BSG: variants seen among roughly 807,000 people sequenced by gnomAD.
BSG encodes the protein basigin (Ok blood group).
In BSG, 37 loss-of-function variants were observed where a neutral mutation model predicts 43.1. The ratio of observed to expected loss-of-function variants is 0.86; its 90% confidence interval spans 0.66 to 1.13. BSG has a LOEUF of 1.13. BSG is among the 50% of genes most tolerant of loss of function. The pLI, the probability that BSG is intolerant of heterozygous loss-of-function variation, is 0.00. For synonymous variants in BSG, 309 were observed against 238.7 expected (o/e 1.29, Z -2.72); for missense variants, 599 against 554.2 (o/e 1.08, Z -0.81).
In BSG at chr19:579,647, C is replaced by T. The variant is rs764956985; in HGVS notation, c.563C>T (p.Thr188Met). 1.9e-4 allele frequency: 303 copies of T among 1,609,282 alleles called. No homozygotes were observed. Among genetic ancestry groups the T allele is most frequent in the Non-Finnish European group, 2.4e-4 (286 of 1,178,172 alleles). The change falls in exon 3 of 9, where the codon ACG (threonine) becomes ATG (methionine). Residue 188 changes from threonine to methionine, a missense_variant. Coordinates refer to ENST00000333511, the MANE Select transcript of BSG (RefSeq NM_001728.4). The part of the protein sequence containing the change: ...LKEDALPGQK[T>M]EFKVDSDDQW... ...GAGGACGCGCTGCCCGGCCAGAAAA[C>T]GGAGTTCAAGTGAGTGCCTGACCAC...
intron 1 of BSG, chr19:575,439 G>C (rs1225615957): frequency 3.9e-5 from 6 of 152,268 alleles, no homozygotes; most frequent in African/African-American, 1.4e-4. Context: ...TCGGGGACCG[G>C]AGGGCCGGGG....
At chr19:578,514 C>T (rs552833814) in intron 2 of BSG, among the ~76,000 whole-genome samples, 7 of 152,394 alleles carry the variant, frequency 4.6e-5, no homozygotes, top group Non-Finnish European at 8.8e-5. Context: ...CTGTGTCCTT[C>T]GCAGCATCTC....
At chr19:576,961 CTT>C (rs895669602) in intron 1 of BSG, among the ~76,000 whole-genome samples, 21 of 133,348 alleles carry the variant, frequency 1.6e-4, no homozygotes, top group African/African-American at 6.3e-4. Context: ...GACGTGTGTC[CTT>C]GTGTGTGTGT....
At chr19:575,134 G>T (rs1981648305) in intron 1 of BSG, 2 of 152,336 alleles carry the variant, frequency 1.3e-5, no homozygotes, top group Non-Finnish European at 2.9e-5. Context: ...TGCAGCCTGG[G>T]AAGCAGGTGG....
In BSG at chr19:582,481, G is replaced by T. The variant is rs549863661; in HGVS notation, c.1095-33G>T. The T allele has an allele frequency of 1.1e-4, 176 of 1,604,778 alleles. 2 individuals are homozygous for T. The South Asian group carries it at 1.8e-3, about 16-fold the overall frequency. ...TGACTTGGAGAGAGTGACTTGCGGG[G>T]GACACCCTCTCACCCGGCCCCTCGT... is the stretch of plus-strand genomic sequence containing the variant. On this transcript the variant is annotated intron_variant, in intron 7 of 8. Transcript: ENST00000333511.
chr19:572,400 G>T (rs978011426), upstream of BSG: 1 of 985,216 alleles, frequency 1.0e-6, no homozygotes, highest in East Asian at 1.1e-4. Context: ...AGCAACGCCG[G>T]GTCACGTGCG....
At chr19:579,253 G>A (rs1982058350) in intron 2 of BSG, 2 of 464,592 alleles carry the variant, frequency 4.3e-6, no homozygotes, top group Admixed American at 2.6e-5. Context: ...TGCCAGCGAA[G>A]GGTGCCTTCC....
In BSG at chr19:582,776, C is replaced by G. The variant is rs933761009; in HGVS notation, c.*32C>G. On this transcript the variant is annotated 3_prime_UTR_variant, in exon 9 of 9. Coordinates refer to ENST00000333511, the MANE Select transcript of BSG (RefSeq NM_001728.4). ...TGGCCCGAGGACGCTCCCTGCTCCA[C>G]GTCTGCGCCGCCGCCGGAGTCCACT... 1 of 609,702 alleles carries G rather than the reference C, an allele frequency of 1.6e-6. No individual in the cohort carries two copies. The highest frequency in any genetic ancestry group is 1.9e-5 in the African/African-American group (1 of 53,992). The allele number at this position is 609,702 out of a possible 1,614,324, so 37.8% of individuals were successfully genotyped here.
Position 579,489 on chromosome 19 carries a change from G to A in BSG, c.416-11G>A, listed in dbSNP as rs1390387517. ...TCCACTCTGCTGACCGCGTCTCGCCGGGCCTTGCAGCCGGCACAGTCTTCA... is the reference window on the plus strand; with the variant it reads ...TCCACTCTGCTGACCGCGTCTCGCCAGGCCTTGCAGCCGGCACAGTCTTCA... On this transcript the variant is annotated splice_polypyrimidine_tract_variant and intron_variant, in intron 2 of 8. Coordinates refer to ENST00000333511, the MANE Select transcript of BSG (RefSeq NM_001728.4). 4 of 1,612,280 alleles carry A rather than the reference G, an allele frequency of 2.5e-6. No individual in the cohort carries two copies. Among genetic ancestry groups the A allele is most frequent in the African/African-American group, 1.3e-5 (1 of 75,062 alleles).
chr19:574,726 C>G (rs550252331), intron 1 of BSG, among the ~76,000 whole-genome samples: 8 of 152,308 alleles, frequency 5.3e-5, no homozygotes, highest in Non-Finnish European at 7.4e-5. Context: ...CTTCCAGAGG[C>G]TTTGCCAGCT....
In BSG at chr19:577,985, C is replaced by T; in HGVS notation, c.279C>T (p.Ile93=). ...ATYHQHAAST[I]SIDTLVEEDT... is the part of the protein sequence containing the mutation. ...ACCACCAGCACGCGGCCAGCACCAT[C>T]TCCATCGACACGCTCGTGGAGGAGG... The change falls in exon 2 of 9, where the codon ATC becomes ATT. Residue 93 remains isoleucine (I), a synonymous_variant. Coordinates refer to ENST00000333511, the MANE Select transcript of BSG (RefSeq NM_001728.4). 1.2e-6 allele frequency: 2 copies of T among 1,612,276 alleles called. No individual in the cohort carries two copies. Among genetic ancestry groups the T allele is most frequent in the Non-Finnish European group, 1.7e-6 (2 of 1,179,702 alleles).
chr19:576,942 GTGT>G (rs1202613900), intron 1 of BSG, among the ~76,000 whole-genome samples: 1 of 146,216 alleles, frequency 6.8e-6, no homozygotes, highest in Admixed American at 6.7e-5. Context: ...TGTGTTGTGT[GTGT>G]TTGCAGACGT....
At chr19:578,925 T>C (rs1362955977) in intron 2 of BSG, 10 of 430,672 alleles carry the variant, frequency 2.3e-5, no homozygotes, top group African/African-American at 2.0e-4. Flanking sequence ...AGAGACGGGG[T>C]TTCACCGTGT....
At position 581,420 on chromosome 19, in the gene BSG, C is replaced by G. The variant is rs777405195; in HGVS notation, c.898C>G (p.Arg300Gly). ...LNMEADPGQY[R>G]CNGTSSKGSD... The stretch of plus-strand genomic sequence containing the variant: ...CATGGAGGCCGACCCCGGCCAGTAC[C>G]GGTGCAACGGCACCAGCTCCAAGGG... Residue 300 changes from arginine (R) to glycine (G), a missense_variant, in exon 6 of 9, where the codon CGG (arginine) becomes GGG (glycine). Physicochemically the swap from Arg to Gly is moderately radical, Grantham distance 125 (BLOSUM62 -2). Coordinates refer to ENST00000333511, the MANE Select transcript of BSG (RefSeq NM_001728.4). 2 of 1,612,716 alleles carry G rather than the reference C, an allele frequency of 1.2e-6. No individual in the cohort carries two copies. The highest frequency in any genetic ancestry group is 1.7e-5 in the Admixed American group (1 of 60,006).
rs1437354530 is a variant in BSG, at chr19:581,405, G to C, written c.883G>C (p.Asp295His). 1 of 1,612,784 alleles carries C rather than the reference G, an allele frequency of 6.2e-7. No homozygotes were observed. Among genetic ancestry groups the C allele is most frequent in the Admixed American group, 1.7e-5 (1 of 60,020 alleles). ...CATTGAGAACCTGAACATGGAGGCC[G>C]ACCCCGGCCAGTACCGGTGCAACGG... is the stretch of plus-strand genomic sequence containing the variant. ...LHIENLNMEA[D>H]PGQYRCNGTS... The change falls in exon 6 of 9, where the codon GAC becomes CAC. Residue 295 changes from aspartate (D) to histidine (H), a missense_variant. By Grantham distance (81) the Asp-to-His change is moderately conservative. Transcript: ENST00000333511.
chr19:580,635 C>T lies in BSG; in HGVS notation c.656-11C>T, dbSNP rs771926958. 5.0e-6 allele frequency: 8 copies of T among 1,612,586 alleles called. No homozygotes were observed. The highest frequency in any genetic ancestry group is 2.2e-5 in the South Asian group (2 of 91,086). ...GCGGTTCCAGGCTCCTCTCTCTCAC[C>T]CTCCTGTCAGGGCCTCCCAGAGTGA... On this transcript the variant is annotated splice_polypyrimidine_tract_variant and intron_variant, in intron 4 of 8. Coordinates refer to ENST00000333511, the MANE Select transcript of BSG (RefSeq NM_001728.4).
chr19:572,878 T>C (rs2072307), intron 1 of BSG, among the ~76,000 whole-genome samples, 177 bp downstream of exon 1: 21,367 of 151,484 alleles, frequency 0.14, 1,740 homozygotes, highest in South Asian at 0.26. Context: ...AGTCCCAGGG[T>C]TTGAGGGGGG....
At chr19:574,545 C>T (rs151237303) in intron 1 of BSG, among the ~76,000 whole-genome samples, 20,784 of 151,388 alleles carry the variant, frequency 0.14, 1,647 homozygotes, top group South Asian at 0.26. Flanking sequence ...AGAGCGAGAC[C>T]CCGTCTCAAA....
intron 7 of BSG, 73 bp from the exon 8 acceptor site, chr19:582,441 C>T (rs1486117997): frequency 8.1e-5 from 69 of 850,316 alleles, no homozygotes; most frequent in Non-Finnish European, 1.1e-4. Flanking sequence ...TCCTGGGGGC[C>T]GGGGTGGGCA....
Sources: gnomAD v4.1 joint callset for allele counts (sites outside exome capture counted in the v4.1 genomes callset) on GRCh38, gnomAD v4.1.1 for gene constraint, MANE v1.5 for transcripts, NCBI Gene and HGNC (gene_info 2026-07-23, HGNC 2026-07-21) for gene names.